Variants in STAB2 observed in about 807,000 individuals in gnomAD.
STAB2 encodes the protein stabilin 2, also known as stabilin-2.
A neutral mutation model predicts 338.1 loss-of-function variants in STAB2; 288 were observed. The observed-to-expected ratio is 0.85, with a 90% CI of 0.77 to 0.94. The LOEUF (loss-of-function observed/expected upper bound fraction) is 0.94, where lower values mean the gene tolerates loss of function less well. Among genes scored for constraint, STAB2 ranks in the 40% least tolerant of loss-of-function variants. The pLI is 0.00. For synonymous variants in STAB2, 1,202 were observed against 1,193.3 expected (o/e 1.01, Z -0.15); for missense variants, 3,141 against 3,210.1 (o/e 0.98, Z 0.52).
At chr12:103,682,278 T>A (rs1876985146) in intron 25 of STAB2, among the ~76,000 whole-genome samples, 1 of 151,802 alleles carries the variant, frequency 6.6e-6, no homozygotes, top group Non-Finnish European at 1.5e-5. Context: ...ACATCCATCC[T>A]CGTTTTCTGA....
intron 5 of STAB2, among the ~76,000 whole-genome samples, chr12:103,628,289 G>A (rs1257547347): frequency 1.3e-5 from 2 of 152,210 alleles, no homozygotes; most frequent in African/African-American, 4.8e-5. Flanking sequence ...CTCAAAGGAT[G>A]TGGTAAATTA....
chr12:103,625,994 A>G lies in STAB2; in HGVS notation c.487+3883A>G, dbSNP rs533655813. Among the ~76,000 whole-genome samples the G allele has an allele frequency of 4.2e-3, 638 of 152,222 alleles. 5 individuals are homozygous for G. The highest frequency in any genetic ancestry group is 0.015 in the African/African-American group (608 of 41,530). On this transcript the variant is annotated intron_variant, in intron 5 of 68. Transcript: ENST00000388887. The stretch of plus-strand genomic sequence containing the variant: ...CCACCAACAGTGTAAAAGTGTTCCT[A>G]TTTCTCCACATCCTCTCCAGCACCT...
rs756298943 is a variant in STAB2 at position 103,728,913 on chromosome 12, A to T, written c.5000A>T (p.His1667Leu). The change falls in exon 48 of 69, where the codon CAC becomes CTC. Residue 1667 changes from histidine to leucine, a missense_variant. His to Leu is a moderately conservative substitution (Grantham distance 99). Transcript: ENST00000388887. ...CTTCGGTACCATGTGGTCGCCTGCCACCAGCTGCTTCTGGAAAACCTGAAA... is the reference window on the plus strand; with the variant it reads ...CTTCGGTACCATGTGGTCGCCTGCCTCCAGCTGCTTCTGGAAAACCTGAAA... ...QVLRYHVVAC[H>L]QLLLENLKLI... 1.2e-6 allele frequency: 2 copies of T among 1,613,978 alleles called. No individual in the cohort carries two copies. The highest frequency in any genetic ancestry group is 2.7e-5 in the African/African-American group (2 of 75,030).
In STAB2 at chr12:103,597,134, A is replaced by T. The variant is rs181936519; in HGVS notation, c.331+2624A>T. Among the ~76,000 whole-genome samples the T allele has an allele frequency of 2.2e-3, 331 of 152,132 alleles. 2 individuals are homozygous for T. Among genetic ancestry groups the T allele is most frequent in the African/African-American group, 7.5e-3 (312 of 41,510 alleles). ...CTCTTTATCTTCATCTTCCAAACAC[A>T]CTAGATGTCTCGAAAGGCTTCCTTC... On this transcript the variant is annotated intron_variant, in intron 3 of 68. Transcript: ENST00000388887.
chr12:103,681,980 C>T (rs1414393753), intron 25 of STAB2, among the ~76,000 whole-genome samples: 1 of 152,134 alleles, frequency 6.6e-6, no homozygotes, highest in Non-Finnish European at 1.5e-5. Flanking sequence ...CGTATCAACC[C>T]TATTTCCAAA....
At chr12:103,708,373 G>C (rs1387033165) in intron 38 of STAB2, 68 bp from the exon 39 acceptor site, 11 of 1,510,550 alleles carry the variant, frequency 7.3e-6, no homozygotes, top group Non-Finnish European at 7.4e-6. Flanking sequence ...AGCAAACCTA[G>C]TAAATGACAA....
intron 25 of STAB2, among the ~76,000 whole-genome samples, chr12:103,679,743 G>T (rs1046948469): frequency 6.6e-6 from 1 of 152,128 alleles, no homozygotes; most frequent in Non-Finnish European, 1.5e-5. Flanking sequence ...ATTAAAAATG[G>T]AATAAGCATA....
intron 58 of STAB2, 88 bp from the exon 59 acceptor site, chr12:103,748,875 A>C: frequency 7.1e-7 from 1 of 1,401,448 alleles, no homozygotes; most frequent in South Asian, 1.4e-5. Context: ...ACCCAACACC[A>C]CTAGTGCTGT....
intron 9 of STAB2, 85 bp from the exon 10 acceptor site, chr12:103,648,605 T>C (rs1312783027): frequency 4.6e-6 from 7 of 1,529,242 alleles, no homozygotes; most frequent in Non-Finnish European, 6.2e-6. Context: ...CTTTGCTCCA[T>C]CTGTTCAATG....
intron 34 of STAB2, among the ~76,000 whole-genome samples, chr12:103,699,476 G>T (rs1878681313): frequency 6.6e-6 from 1 of 152,164 alleles, no homozygotes; most frequent in Non-Finnish European, 1.5e-5. Context: ...TTCATGGATG[G>T]CAGCAGGCAA....
Position 103,670,805 on chromosome 12 carries a change from A to G in STAB2, c.2369A>G (p.Lys790Arg). 1 of 1,613,072 alleles carries G rather than the reference A, an allele frequency of 6.2e-7. No individual in the cohort carries two copies. The highest frequency in any genetic ancestry group is 1.1e-5 in the South Asian group (1 of 90,850). Residue 790 changes from lysine to arginine, a missense_variant and splice_region_variant, in exon 22 of 69, where the codon AAA becomes AGA. By Grantham distance (26) the Lys-to-Arg change is conservative (BLOSUM62 2). Coordinates refer to ENST00000388887, the MANE Select transcript of STAB2 (RefSeq NM_017564.10). ...DPNKYGPRCN[K>R]KCLCVHGTCN... ...AATAAATACGGACCTCGGTGTAACA[A>G]AAGTAAGTGGCACTTCCAGAGCTTC... is the stretch of plus-strand genomic sequence containing the variant.
intron 5 of STAB2, among the ~76,000 whole-genome samples, chr12:103,630,742 G>C (rs556517501): frequency 1.3e-5 from 2 of 152,348 alleles, no homozygotes; most frequent in Non-Finnish European, 2.9e-5. Flanking sequence ...CAGGAATAAA[G>C]ATGGGCTCTA....
intron 3 of STAB2, among the ~76,000 whole-genome samples, chr12:103,611,560 T>G (rs1203781523): frequency 6.6e-6 from 1 of 152,208 alleles, no homozygotes; most frequent in Non-Finnish European, 1.5e-5. Flanking sequence ...CCTCCATCCC[T>G]TTATTTTGAG....
At chr12:103,762,165 T>C in intron 66 of STAB2, 109 bp from the exon 67 acceptor site, 1 of 1,446,014 alleles carries the variant, frequency 6.9e-7, no homozygotes, top group Non-Finnish European at 9.4e-7. Context: ...TGTTAACATG[T>C]CAGTATTTTT....
chr12:103,733,905 C>T (rs915090519), intron 51 of STAB2, among the ~76,000 whole-genome samples: 3 of 146,398 alleles, frequency 2.0e-5, no homozygotes, highest in African/African-American at 2.7e-5. Flanking sequence ...CAAGCACAAT[C>T]ACATAGGAGC....
At chr12:103,740,506 C>T in intron 54 of STAB2, 124 bp from the exon 55 acceptor site, 3 of 1,367,186 alleles carry the variant, frequency 2.2e-6, no homozygotes, top group Non-Finnish European at 2.9e-6. Flanking sequence ...AAAGTTGGCT[C>T]ACACTGGAAG....
At chr12:103,715,183 G>A (rs1034182565) in intron 42 of STAB2, among the ~76,000 whole-genome samples, 1 of 152,124 alleles carries the variant, frequency 6.6e-6, no homozygotes, top group African/African-American at 2.4e-5. Context: ...TACATTCAAG[G>A]CCCAAATGTC....
intron 25 of STAB2, among the ~76,000 whole-genome samples, chr12:103,682,371 A>C (rs1876999018): frequency 6.6e-6 from 1 of 152,208 alleles, no homozygotes; most frequent in South Asian, 2.1e-4. Context: ...GATTGCCCTC[A>C]GCTGGGACTA....
In STAB2 at chr12:103,756,722, A is replaced by G. The variant is rs1028680614; in HGVS notation, c.6987+1004A>G. Among the ~76,000 whole-genome samples, 5 of 152,108 alleles carry G rather than the reference A, an allele frequency of 3.3e-5. No homozygotes were observed. The South Asian group carries it at 6.2e-4, about 19-fold the overall frequency. ...GTCAGTGACCGCAGGAGGAAAGGGC[A>G]CTGAGCATGAGTATAGGGCTTGTAG... is the stretch of plus-strand genomic sequence containing the variant. On this transcript the variant is annotated intron_variant, in intron 63 of 68. Transcript: ENST00000388887.
Sources: allele counts gnomAD v4.1 joint callset (sites outside exome capture counted in the v4.1 genomes callset), GRCh38; gene constraint gnomAD v4.1.1; transcripts MANE v1.5; gene names NCBI Gene and HGNC (gene_info 2026-07-23, HGNC 2026-07-21).